The following ARFGAP3 variants were observed in gnomAD, a reference collection of about 807,000 sequenced individuals.
ARFGAP3 encodes ADP-ribosylation factor GTPase-activating protein 3.
Under a neutral mutation model 75.0 loss-of-function variants are expected in ARFGAP3, and 72 were observed. The observed-to-expected ratio is 0.96, with a 90% CI of 0.79 to 1.17. The LOEUF (loss-of-function observed/expected upper bound fraction) is 1.17, where lower values mean the gene tolerates loss of function less well. Ranked by LOEUF, ARFGAP3 falls within the 50% of genes most tolerant of loss-of-function variation. The probability of loss-of-function intolerance (pLI) is 0.00; values close to 1 mark genes in which losing one functional copy is unlikely to be tolerated. For missense variants in ARFGAP3, 620 were observed against 626.6 expected, an observed-to-expected ratio of 0.99 and a Z score of 0.11; for synonymous variants, 221 against 217.9, an observed-to-expected ratio of 1.01 and a Z score of -0.13.
intron 14 of ARFGAP3, among the ~76,000 whole-genome samples, chr22:42,804,887 T>C (rs1392618366): frequency 6.6e-6 from 1 of 150,840 alleles, no homozygotes; most frequent in African/African-American, 2.5e-5. Flanking sequence ...AAAGACAAAA[T>C]AAAAGAAAAA....
rs908449549 is a variant in ARFGAP3, at chr22:42,810,934, C to T, written c.1075G>A (p.Glu359Lys). Reference protein sequence around the residue: ...YFTSSSSYFDEPVELRSSSFS... With the variant: ...YFTSSSSYFDKPVELRSSSFS... The stretch of plus-strand genomic sequence containing the variant: ...GAACTGCTCCTTAACTCCACTGGCT[C>T]GTCAAAGTAACTGTAGGAGCAAGAG... Residue 359 changes from glutamate to lysine, a missense_variant, in exon 12 of 16, where the codon GAG (glutamate) becomes AAG (lysine). Transcript: ENST00000263245. 1.2e-5 allele frequency: 19 copies of T among 1,614,080 alleles called. No homozygotes were observed. The highest frequency in any genetic ancestry group is 1.4e-5 in the Non-Finnish European group (17 of 1,179,978).
chr22:42,844,303 G>A (rs1463318265), intron 2 of ARFGAP3, among the ~76,000 whole-genome samples: 3 of 151,986 alleles, frequency 2.0e-5, no homozygotes, highest in Admixed American at 6.6e-5. Context: ...TCCCATGCTC[G>A]GCTAGGTGCT....
intron 11 of ARFGAP3, 148 bp from the exon 12 acceptor site, chr22:42,811,092 C>A: frequency 7.7e-7 from 1 of 1,300,032 alleles, no homozygotes; most frequent in Non-Finnish European, 1.0e-6. Flanking sequence ...GGAGCAGACA[C>A]GAGGTGTGTC....
chr22:42,829,168 A>C (rs5758962), intron 6 of ARFGAP3, among the ~76,000 whole-genome samples: 28,540 of 152,188 alleles, frequency 0.19, 4,110 homozygotes, highest in East Asian at 0.56. Flanking sequence ...CTCATCTTAA[A>C]AAACAATCTC....
chr22:42,814,628 G>T (rs1925501088), intron 11 of ARFGAP3, among the ~76,000 whole-genome samples: 1 of 152,230 alleles, frequency 6.6e-6, no homozygotes, highest in African/African-American at 2.4e-5. Flanking sequence ...CCCCACAGGG[G>T]CCTGTCAGTG....
chr22:42,831,074 T>G (rs945324474), intron 6 of ARFGAP3, among the ~76,000 whole-genome samples: 1 of 151,484 alleles, frequency 6.6e-6, no homozygotes, highest in Non-Finnish European at 1.5e-5. Flanking sequence ...CCAAGGCGGG[T>G]GGATCACCTG....
intron 3 of ARFGAP3, among the ~76,000 whole-genome samples, chr22:42,836,136 C>A (rs1461545313): frequency 1.3e-5 from 2 of 151,936 alleles, no homozygotes; most frequent in African/African-American, 4.8e-5. Context: ...GTGTGTGCCA[C>A]CACGCCTGGC....
At chr22:42,846,809 T>C (rs1927041235) in intron 2 of ARFGAP3, among the ~76,000 whole-genome samples, 1 of 152,260 alleles carries the variant, frequency 6.6e-6, no homozygotes, top group Non-Finnish European at 1.5e-5. Context: ...TACTTTGTAC[T>C]GCCGAATTAT....
intron 1 of ARFGAP3, among the ~76,000 whole-genome samples, chr22:42,850,411 A>G (rs1189151705): frequency 6.6e-6 from 1 of 151,676 alleles, no homozygotes; most frequent in Non-Finnish European, 1.5e-5. Flanking sequence ...ATCTCTACCA[A>G]AAAATTAAAA....
At chr22:42,814,296 G>A (rs17003352) in intron 11 of ARFGAP3, among the ~76,000 whole-genome samples, 50 of 152,332 alleles carry the variant, frequency 3.3e-4, no homozygotes, top group Middle Eastern at 3.4e-3. Flanking sequence ...TGCTTTCAGA[G>A]TCCATGTTTA....
chr22:42,853,188 T>TA (rs1927355602), intron 1 of ARFGAP3, among the ~76,000 whole-genome samples: 1 of 152,250 alleles, frequency 6.6e-6, no homozygotes, highest in Non-Finnish European at 1.5e-5. Flanking sequence ...TGATTCAGTT[T>TA]AAAAATGACA....
chr22:42,807,038 A>G (rs1196732835), intron 14 of ARFGAP3, 35 bp downstream of exon 14: 1 of 1,571,176 alleles, frequency 6.4e-7, no homozygotes, highest in Non-Finnish European at 8.6e-7. Context: ...TACCGTAGAC[A>G]TGACAGAGAC....
rs1180135847 is a variant in ARFGAP3, at chr22:42,797,575, C to A, written c.*13G>T. On this transcript the variant is annotated 3_prime_UTR_variant, in exon 16 of 16. Transcript: ENST00000263245. ...AGGAATTTCTCCAGGAAATACACAT[C>A]ATGACTTCAGTATTAAGAACCGTAG... 1.9e-6 allele frequency: 3 copies of A among 1,614,146 alleles called. No homozygotes were observed. Among genetic ancestry groups the A allele is most frequent in the East Asian group, 2.2e-5 (1 of 44,888 alleles).
intron 3 of ARFGAP3, 79 bp downstream of exon 3, chr22:42,840,865 C>T (rs1926750369): frequency 1.4e-6 from 2 of 1,472,306 alleles, no homozygotes; most frequent in Admixed American, 3.7e-5. Context: ...GCCACTGCAC[C>T]TAGCCTGAGC....
intron 8 of ARFGAP3, 33 bp downstream of exon 8, chr22:42,823,623 C>A: frequency 1.4e-6 from 2 of 1,442,840 alleles, no homozygotes; most frequent in East Asian, 2.4e-5. Context: ...GCTTAACTAC[C>A]AGATTTTTAT....
intron 9 of ARFGAP3, 130 bp from the exon 10 acceptor site, chr22:42,817,987 A>C (rs1309032991): frequency 5.5e-6 from 7 of 1,263,952 alleles, no homozygotes; most frequent in Non-Finnish European, 7.2e-6. Context: ...ACAATTATGA[A>C]GGCAAGTTGG....
At chr22:42,833,968 C>CT (rs991247497) in intron 5 of ARFGAP3, among the ~76,000 whole-genome samples, 4 of 152,154 alleles carry the variant, frequency 2.6e-5, no homozygotes, top group African/African-American at 9.7e-5. Flanking sequence ...GGATGCTTGT[C>CT]TTTTTCTCTT....
intron 9 of ARFGAP3, among the ~76,000 whole-genome samples, chr22:42,821,402 G>A (rs1379954450): frequency 6.6e-6 from 1 of 152,104 alleles, no homozygotes; most frequent in East Asian, 1.9e-4. Context: ...CTCACCCCAG[G>A]CCCTGGCAAC....
At chr22:42,802,630 C>A (rs1327607193) in intron 14 of ARFGAP3, among the ~76,000 whole-genome samples, 3 of 112,570 alleles carry the variant, frequency 2.7e-5, no homozygotes, top group Non-Finnish European at 3.6e-5. Flanking sequence ...GAGATGGAGT[C>A]TTGCTCTGTT....
Sources: allele counts gnomAD v4.1 joint callset (sites outside exome capture counted in the v4.1 genomes callset), GRCh38; gene constraint gnomAD v4.1.1; transcripts MANE v1.5; gene names NCBI Gene and HGNC (gene_info 2026-07-23, HGNC 2026-07-21).